The following PDE7A variants were observed in gnomAD, a reference collection of about 807,000 sequenced individuals.
PDE7A encodes the protein phosphodiesterase 7A, also known as high affinity 3',5'-cyclic-AMP phosphodiesterase 7A.
A neutral mutation model predicts 64.3 loss-of-function variants in PDE7A; 39 were observed. The ratio of observed to expected loss-of-function variants is 0.61; its 90% CI spans 0.47 to 0.79. The LOEUF is 0.79. Ranked by LOEUF, PDE7A falls within the 30% of genes least tolerant of loss-of-function variation. PDE7A has a pLI of 0.00. For synonymous variants in PDE7A, 203 were observed against 206.8 expected (o/e 0.98, Z 0.16); for missense variants, 470 against 582.8 (o/e 0.81, Z 1.99).
intron 3 of PDE7A, among the ~76,000 whole-genome samples, chr8:65,748,905 T>C (rs1328291459): frequency 6.6e-6 from 1 of 152,216 alleles, no homozygotes; most frequent in Non-Finnish European, 1.5e-5. Flanking sequence ...GGTATGCTAC[T>C]AGTAATTATC....
rs1216794417 is a variant in PDE7A at position 65,762,407 on chromosome 8, G to A, written c.284-14604C>T. On this transcript the variant is annotated intron_variant, in intron 3 of 12. Transcript: ENST00000401827. Reference sequence around the variant, plus strand: ...GTCTGCAGCAATGGTCATTAGTAGAGCAGCACGTGCTGACATGGAGAGGCA... The same window carrying A: ...GTCTGCAGCAATGGTCATTAGTAGAACAGCACGTGCTGACATGGAGAGGCA... 2.0e-5 allele frequency among the ~76,000 whole-genome samples: 3 copies of A among 152,308 alleles called. No homozygotes were observed. In the East Asian group the frequency reaches 5.8e-4, roughly 29 times the overall value.
At chr8:65,770,903 G>A (rs1463354498) in intron 3 of PDE7A, 1 of 174,848 alleles carries the variant, frequency 5.7e-6, no homozygotes, top group African/African-American at 2.4e-5. Flanking sequence ...ATGTGTTTCT[G>A]TGCTCAACTG....
intron 3 of PDE7A, among the ~76,000 whole-genome samples, chr8:65,758,138 T>C (rs575745696): frequency 6.6e-5 from 10 of 152,154 alleles, no homozygotes; most frequent in Non-Finnish European, 1.5e-4. Context: ...TCCATTCCCA[T>C]TCATAGAGGG....
At chr8:65,798,179 C>CATATATATATATAT (rs1218978698) in intron 1 of PDE7A, among the ~76,000 whole-genome samples, 4 of 118,902 alleles carry the variant, frequency 3.4e-5, no homozygotes, top group East Asian at 2.2e-4. Context: ...TGTGTGTGTG[C>CATATATATATATAT]ATATATATAT....
At chr8:65,741,604 ATAAAT>A (rs1421085886) in intron 5 of PDE7A, among the ~76,000 whole-genome samples, 1 of 152,244 alleles carries the variant, frequency 6.6e-6, no homozygotes, top group Non-Finnish European at 1.5e-5. Flanking sequence ...TACATTTTAA[ATAAAT>A]TAAATGTTAA....
intron 2 of PDE7A, 99 bp from the exon 3 acceptor site, chr8:65,779,902 T>G: frequency 1.6e-6 from 1 of 637,146 alleles, no homozygotes; most frequent in Non-Finnish European, 2.7e-6. Flanking sequence ...TATTCATAAG[T>G]AACAGCCCAC....
At chr8:65,724,545 T>C (rs993761207) in intron 10 of PDE7A, among the ~76,000 whole-genome samples, 194 bp from the exon 11 acceptor site, 1 of 152,168 alleles carries the variant, frequency 6.6e-6, no homozygotes, top group African/African-American at 2.4e-5. Context: ...CTTGTAAAAA[T>C]TGTTTTCATC....
chr8:65,724,239 C>T lies in PDE7A; in HGVS notation c.1162+16G>A. 1 of 1,513,018 alleles carries T rather than the reference C, an allele frequency of 6.6e-7. No homozygotes were observed. Among genetic ancestry groups the T allele is most frequent in the Non-Finnish European group, 9.2e-7 (1 of 1,089,010 alleles). The allele number at this position is 1,513,018 out of a possible 1,614,324, so 93.7% of individuals were successfully genotyped here. On this transcript the variant is annotated intron_variant, in intron 11 of 12. Transcript: ENST00000401827. ...TGAACTGGATAGATTAATTATCACT[C>T]AATACTGTAACTTGCCTTGATGGAA...
intron 9 of PDE7A, among the ~76,000 whole-genome samples, chr8:65,726,075 G>C (rs1241758055): frequency 6.6e-6 from 1 of 152,170 alleles, no homozygotes; most frequent in Non-Finnish European, 1.5e-5. Context: ...TTATGAAAGG[G>C]AAACCAGAGA....
chr8:65,730,171 CTTTTTT>C lies in PDE7A; in HGVS notation c.697-2876_697-2871del, dbSNP rs1179431555. Among the ~76,000 whole-genome samples the C allele has an allele frequency of 1.5e-3, 129 of 86,434 alleles. 1 individual carries two copies. Among genetic ancestry groups the C allele is most frequent in the Middle Eastern group, 0.016 (2 of 124 alleles). 56.7% of individuals were successfully genotyped at this position (86,434 alleles called of 152,430 possible). ...TGTGAGGGATCCAGGTTGCGCACTT[CTTTTTT>C]TTTTTTTTTTTTTTTTTTTTGAGAT... On this transcript the variant is annotated intron_variant, in intron 7 of 12. Coordinates refer to ENST00000401827, the MANE Select transcript of PDE7A (RefSeq NM_001242318.3).
At chr8:65,817,791 C>T (rs983876613) in intron 1 of PDE7A, among the ~76,000 whole-genome samples, 1 of 146,810 alleles carries the variant, frequency 6.8e-6, no homozygotes, top group African/African-American at 2.5e-5. Context: ...CTCACTCTGT[C>T]GCCCAGGCTG....
At chr8:65,753,079 G>A (rs1442571300) in intron 3 of PDE7A, among the ~76,000 whole-genome samples, 1 of 152,030 alleles carries the variant, frequency 6.6e-6, no homozygotes, top group Non-Finnish European at 1.5e-5. Flanking sequence ...TTAATTTTTT[G>A]AGTGGTAGGA....
chr8:65,794,588 T>C (rs758526952), intron 1 of PDE7A, among the ~76,000 whole-genome samples: 5 of 152,228 alleles, frequency 3.3e-5, no homozygotes, highest in Non-Finnish European at 5.9e-5. Context: ...TAACTGTCCA[T>C]AATTGCCTGT....
At chr8:65,797,610 C>T (rs895676157) in intron 1 of PDE7A, among the ~76,000 whole-genome samples, 1 of 152,290 alleles carries the variant, frequency 6.6e-6, no homozygotes, top group Non-Finnish European at 1.5e-5. Context: ...GTTACTAATA[C>T]ATATGTTTAC....
rs139151364 is a variant in PDE7A, at chr8:65,772,933, G to A, written c.283+6787C>T. ...TGAGGTGGGAGAATCACTTGAACCT[G>A]GGAGACGGAGGCTGCAGTGAGCTGA... On this transcript the variant is annotated intron_variant, in intron 3 of 12. Transcript: ENST00000401827. Among the ~76,000 whole-genome samples the A allele has an allele frequency of 9.1e-3, 1,384 of 152,252 alleles. 16 individuals are homozygous for A. The highest frequency in any genetic ancestry group is 0.03 in the African/African-American group (1,249 of 41,546).
At chr8:65,763,712 T>C (rs1488647974) in intron 3 of PDE7A, among the ~76,000 whole-genome samples, 1 of 152,238 alleles carries the variant, frequency 6.6e-6, no homozygotes, top group Non-Finnish European at 1.5e-5. Context: ...AAATTCTTAA[T>C]TCCCTTATTA....
At chr8:65,756,824 G>C (rs1808259751) in intron 3 of PDE7A, among the ~76,000 whole-genome samples, 1 of 151,196 alleles carries the variant, frequency 6.6e-6, no homozygotes, top group South Asian at 2.1e-4. Context: ...TTTTTTTGTT[G>C]GAAACTGAAC....
chr8:65,814,019 C>G (rs551388909), intron 1 of PDE7A, among the ~76,000 whole-genome samples: 4 of 152,220 alleles, frequency 2.6e-5, no homozygotes, highest in African/African-American at 9.6e-5. Context: ...TCAGGAGCAA[C>G]ATTTGAGTGC....
chr8:65,733,602 CTG>C (rs2128896734), intron 7 of PDE7A, among the ~76,000 whole-genome samples: 1 of 152,102 alleles, frequency 6.6e-6, no homozygotes, highest in East Asian at 1.9e-4. Flanking sequence ...CCTGGCAACA[CTG>C]TGAAACCCTG....
Sources: gnomAD v4.1 joint callset for allele counts (sites outside exome capture counted in the v4.1 genomes callset) on GRCh38, gnomAD v4.1.1 for gene constraint, MANE v1.5 for transcripts, NCBI Gene and HGNC (gene_info 2026-07-23, HGNC 2026-07-21) for gene names.